Variants in KCNK2 observed in about 807,000 individuals in gnomAD.
KCNK2 encodes the protein potassium channel subfamily K member 2.
A neutral mutation model predicts 40.5 loss-of-function variants in KCNK2; 21 were observed. The ratio of observed to expected loss-of-function variants is 0.52; its 90% CI spans 0.37 to 0.75. The LOEUF (loss-of-function observed/expected upper bound fraction) is 0.75, where lower values mean the gene tolerates loss of function less well. Among genes scored for constraint, KCNK2 ranks in the 30% least tolerant of loss-of-function variants. KCNK2 has a pLI of 0.00. For synonymous variants in KCNK2, 191 were observed against 202.2 expected (o/e 0.94, Z 0.47); for missense variants, 399 against 531.6 (o/e 0.75, Z 2.45).
At chr1:215,223,985 G>T (rs959851892) in intron 6 of KCNK2, among the ~76,000 whole-genome samples, 1 of 152,130 alleles carries the variant, frequency 6.6e-6, no homozygotes, top group Admixed American at 6.6e-5. Context: ...GGCTCTGAAA[G>T]TCAAAGTGAA....
chr1:215,203,182 G>A (rs1175749172), intron 6 of KCNK2, among the ~76,000 whole-genome samples: 2 of 152,128 alleles, frequency 1.3e-5, no homozygotes, highest in African/African-American at 4.8e-5. Flanking sequence ...GTATAGATCA[G>A]TGAAATCAAC....
chr1:215,219,180 A>G (rs1424086746), intron 6 of KCNK2, among the ~76,000 whole-genome samples: 2 of 152,198 alleles, frequency 1.3e-5, no homozygotes, highest in African/African-American at 4.8e-5. Flanking sequence ...CATTTGTGTC[A>G]GTCCATTCTT....
At chr1:215,017,495 G>C (rs1164207898) in intron 1 of KCNK2, among the ~76,000 whole-genome samples, 1 of 152,072 alleles carries the variant, frequency 6.6e-6, no homozygotes, top group Non-Finnish European at 1.5e-5. Context: ...GACAGAGATG[G>C]CAACTATTAC....
intron 3 of KCNK2, among the ~76,000 whole-genome samples, chr1:215,146,780 C>T (rs546843977): frequency 1.3e-5 from 2 of 152,260 alleles, no homozygotes; most frequent in Non-Finnish European, 2.9e-5. Context: ...TAACATTTAA[C>T]AATTGTTTAA....
intron 2 of KCNK2, among the ~76,000 whole-genome samples, chr1:215,091,136 A>G (rs1397300898): frequency 6.6e-6 from 1 of 152,196 alleles, no homozygotes; most frequent in Non-Finnish European, 1.5e-5. Context: ...GAAATTAAGC[A>G]TTTAATGAGA....
intron 6 of KCNK2, among the ~76,000 whole-genome samples, chr1:215,233,774 T>C (rs372313615): frequency 1.3e-5 from 2 of 152,144 alleles, no homozygotes; most frequent in East Asian, 3.9e-4. Context: ...AGTTGTTCCA[T>C]ATTAGGAGAT....
chr1:215,194,884 T>C, intron 5 of KCNK2, 69 bp from the exon 6 acceptor site: 1 of 1,450,754 alleles, frequency 6.9e-7, no homozygotes, highest in Non-Finnish European at 9.5e-7. Flanking sequence ...GTTAGTAATT[T>C]TAGCAATACC....
At chr1:215,194,370 G>C (rs1664783003) in intron 5 of KCNK2, among the ~76,000 whole-genome samples, 1 of 152,064 alleles carries the variant, frequency 6.6e-6, no homozygotes, top group Non-Finnish European at 1.5e-5. Context: ...AATAATGAAT[G>C]GTAGTATTAC....
chr1:215,016,047 T>C (rs576786814), intron 1 of KCNK2, among the ~76,000 whole-genome samples: 5 of 152,274 alleles, frequency 3.3e-5, no homozygotes, highest in South Asian at 2.1e-4. Flanking sequence ...TGTGTATGTA[T>C]AATCAAAACT....
intron 3 of KCNK2, among the ~76,000 whole-genome samples, chr1:215,140,450 C>T (rs1041537875): frequency 2.0e-5 from 3 of 152,130 alleles, no homozygotes; most frequent in Non-Finnish European, 1.5e-5. Flanking sequence ...ATGGAGTGAA[C>T]TTACACAAAC....
At position 215,083,285 on chromosome 1, in the gene KCNK2, C is replaced by G; in HGVS notation, c.-101C>G. The G allele has an allele frequency of 6.2e-7, 1 of 1,607,848 alleles. No individual in the cohort carries two copies. The highest frequency in any genetic ancestry group is 8.5e-7 in the Non-Finnish European group (1 of 1,176,632). ...ATGCCTGCCCGTGCAGCTCGGAGCGCGCAGCCCGTCTCTGAATAAGAAGTG... is the reference window on the plus strand; with the variant it reads ...ATGCCTGCCCGTGCAGCTCGGAGCGGGCAGCCCGTCTCTGAATAAGAAGTG... On this transcript the variant is annotated 5_prime_UTR_variant, in exon 1 of 7. Transcript: ENST00000444842.
At chr1:215,027,206 T>G (rs1029241888) in intron 1 of KCNK2, among the ~76,000 whole-genome samples, 11 of 152,294 alleles carry the variant, frequency 7.2e-5, no homozygotes, top group African/African-American at 2.6e-4. Context: ...GAGATAATTT[T>G]ATCTCTTCAT....
In KCNK2 at chr1:215,044,996, G is replaced by T. The variant is rs1026762467; in HGVS notation, c.34+39041G>T. ...CCATCCTGGCTAACACGGTGAAACC[G>T]CGTCTCTACTAAAAAAAACAAAAAC... is the stretch of plus-strand genomic sequence containing the variant. On this transcript the variant is annotated intron_variant, in intron 1 of 6. Transcript: ENST00000391895. Among the ~76,000 whole-genome samples the T allele has an allele frequency of 4.8e-5, 6 of 123,862 alleles. 1 individual carries two copies. Among genetic ancestry groups the T allele is most frequent in the Non-Finnish European group, 1.0e-4 (6 of 59,750 alleles). The allele number at this position is 123,862 out of a possible 152,430, so 81.3% of individuals were successfully genotyped here. A position where few individuals can be genotyped will look rare whatever the true frequency, so the allele number is the denominator to read the frequency against.
At chr1:215,023,981 T>A (rs1232397693) in intron 1 of KCNK2, among the ~76,000 whole-genome samples, 1 of 152,234 alleles carries the variant, frequency 6.6e-6, no homozygotes, top group Non-Finnish European at 1.5e-5. Flanking sequence ...CGGATTTTCC[T>A]AACCATTGCC....
intron 3 of KCNK2, among the ~76,000 whole-genome samples, chr1:215,167,308 TA>T (rs1663489876): frequency 6.7e-6 from 1 of 148,302 alleles, no homozygotes; most frequent in African/African-American, 2.5e-5. Context: ...CAATGGTCAT[TA>T]AACTGGAAAG....
intron 6 of KCNK2, among the ~76,000 whole-genome samples, chr1:215,232,443 T>C (rs1666707049): frequency 6.6e-6 from 1 of 152,192 alleles, no homozygotes; most frequent in Admixed American, 6.5e-5. Flanking sequence ...GAAAAACAAT[T>C]GATAGCATGT....
At chr1:215,218,066 A>C (rs984882893) in intron 6 of KCNK2, among the ~76,000 whole-genome samples, 2 of 152,226 alleles carry the variant, frequency 1.3e-5, no homozygotes, top group African/African-American at 4.8e-5. Context: ...AGGGGAATAG[A>C]GGAGTGAAGG....
chr1:215,101,027 T>C (rs761978801), intron 2 of KCNK2, among the ~76,000 whole-genome samples: 17 of 151,310 alleles, frequency 1.1e-4, no homozygotes, highest in Non-Finnish European at 1.5e-4. Flanking sequence ...TATAGAGGCC[T>C]GAAGTAAGAT....
At chr1:215,012,700 C>T (rs375910527) in intron 1 of KCNK2, among the ~76,000 whole-genome samples, 15 of 121,450 alleles carry the variant, frequency 1.2e-4, no homozygotes, top group East Asian at 7.3e-4. Flanking sequence ...TGCCCAGTTT[C>T]GTTCATCATT....
Sources: allele counts gnomAD v4.1 joint callset (sites outside exome capture counted in the v4.1 genomes callset), GRCh38; gene constraint gnomAD v4.1.1; transcripts MANE v1.5; gene names NCBI Gene and HGNC (gene_info 2026-07-23, HGNC 2026-07-21).